SMPDL3A: variants seen among roughly 807,000 people sequenced by gnomAD.
SMPDL3A encodes sphingomyelin phosphodiesterase acid like 3A.
SMPDL3A carries 39 observed loss-of-function variants against 38.5 expected under a neutral mutation model. The ratio of observed to expected loss-of-function variants is 1.01; its 90% CI spans 0.78 to 1.32. The LOEUF (loss-of-function observed/expected upper bound fraction) is 1.32, where lower values mean the gene tolerates loss of function less well. Ranked by LOEUF, SMPDL3A falls within the 40% of genes most tolerant of loss-of-function variation. The probability of loss-of-function intolerance (pLI) is 0.00; values close to 1 mark genes in which losing one functional copy is unlikely to be tolerated. For synonymous variants in SMPDL3A, 180 were observed against 194.3 expected (o/e 0.93, Z 0.61); for missense variants, 502 against 536.2 (o/e 0.94, Z 0.63).
intron 7 of SMPDL3A, among the ~76,000 whole-genome samples, chr6:122,808,640 TTC>T (rs1781737662): frequency 2.6e-5 from 1 of 38,104 alleles, no homozygotes; most frequent in Non-Finnish European, 5.1e-5. Context: ...CCTTCCTTCC[TTC>T]CCCCCCTCCT....
Position 122,795,882 on chromosome 6 carries a change from A to G in SMPDL3A, c.318A>G (p.Ile106Met). Residue 106 changes from isoleucine (I) to methionine (M), a missense_variant, in exon 2 of 8, where the codon ATA (isoleucine) becomes ATG (methionine). Physicochemically the swap from Ile to Met is conservative, Grantham distance 10 (BLOSUM62 1). Coordinates refer to ENST00000368440, the MANE Select transcript of SMPDL3A (RefSeq NM_006714.5). ...CTGGACAAGAAGCATCTTTCATGAT[A>G]TGGACAGGGTAAGTGATTATACAAG... is the stretch of plus-strand genomic sequence containing the variant. Reference protein sequence around the residue: ...KNSGQEASFMIWTGDSPPHVP... With the variant: ...KNSGQEASFMMWTGDSPPHVP... 1 of 1,605,898 alleles carries G rather than the reference A, an allele frequency of 6.2e-7. No individual in the cohort carries two copies. The highest frequency in any genetic ancestry group is 8.5e-7 in the Non-Finnish European group (1 of 1,172,654).
chr6:122,794,157 G>A (rs73768833), intron 1 of SMPDL3A, among the ~76,000 whole-genome samples: 4,186 of 152,184 alleles, frequency 0.028, 205 homozygotes, highest in African/African-American at 0.096. Context: ...CTAAAATGAG[G>A]ACCATAATTC....
chr6:122,795,608 A>G (rs1398293199), intron 1 of SMPDL3A, 69 bp from the exon 2 acceptor site: 1 of 1,188,534 alleles, frequency 8.4e-7, no homozygotes, highest in Non-Finnish European at 1.2e-6. Flanking sequence ...TAGTCTTAAT[A>G]TAAATATTTT....
At chr6:122,801,835 A>G (rs1021066840) in intron 4 of SMPDL3A, among the ~76,000 whole-genome samples, 1 of 152,244 alleles carries the variant, frequency 6.6e-6, no homozygotes, top group Non-Finnish European at 1.5e-5. Context: ...TGCTTGGGAA[A>G]GTAATGCATA....
At chr6:122,789,683 G>T in intron 1 of SMPDL3A, 1 of 380,966 alleles carries the variant, frequency 2.6e-6, no homozygotes, top group Non-Finnish European at 3.6e-6. Context: ...CTGGGCGGGG[G>T]AAATGCCCTC....
chr6:122,789,864 G>T, intron 1 of SMPDL3A: 1 of 985,342 alleles, frequency 1.0e-6, no homozygotes, highest in Non-Finnish European at 1.2e-6. Context: ...GCCCCTAATC[G>T]GTCCTGAATG....
intron 1 of SMPDL3A, among the ~76,000 whole-genome samples, chr6:122,795,370 T>TG (rs1781209928): frequency 6.6e-6 from 1 of 152,162 alleles, no homozygotes; most frequent in South Asian, 2.1e-4. Flanking sequence ...CTCGAACTCC[T>TG]GACCTCAAGG....
intron 1 of SMPDL3A, chr6:122,789,974 C>A: frequency 1.5e-6 from 1 of 688,732 alleles, no homozygotes; most frequent in Non-Finnish European, 1.8e-6. Flanking sequence ...GCTTTTTCTG[C>A]CACTCACCCA....
intron 4 of SMPDL3A, among the ~76,000 whole-genome samples, chr6:122,802,300 C>T (rs748642438): frequency 6.6e-6 from 1 of 150,916 alleles, no homozygotes; most frequent in Non-Finnish European, 1.5e-5. Flanking sequence ...CTCCTGGTTT[C>T]AAGCGATTCT....
At chr6:122,804,624 C>T (rs1292120041) in intron 5 of SMPDL3A, among the ~76,000 whole-genome samples, 1 of 152,042 alleles carries the variant, frequency 6.6e-6, no homozygotes, top group Non-Finnish European at 1.5e-5. Context: ...TTTTGTTTTG[C>T]TTTTACTGCT....
intron 3 of SMPDL3A, among the ~76,000 whole-genome samples, chr6:122,798,689 C>CA (rs1781330726): frequency 6.6e-6 from 1 of 152,278 alleles, no homozygotes; most frequent in Admixed American, 6.5e-5. Flanking sequence ...TAAGTGGTGA[C>CA]AGGGGATACA....
intron 1 of SMPDL3A, among the ~76,000 whole-genome samples, chr6:122,791,657 T>C (rs1347522797): frequency 1.3e-5 from 2 of 152,184 alleles, no homozygotes; most frequent in Non-Finnish European, 2.9e-5. Flanking sequence ...CACACACACA[T>C]ATTTTTGGAA....
At chr6:122,793,459 C>T (rs567670116) in intron 1 of SMPDL3A, among the ~76,000 whole-genome samples, 3 of 152,214 alleles carry the variant, frequency 2.0e-5, no homozygotes, top group Admixed American at 6.5e-5. Context: ...CTTACATTCT[C>T]GAAATAATAC....
At chr6:122,795,402 C>T (rs1781211524) in intron 1 of SMPDL3A, among the ~76,000 whole-genome samples, 1 of 152,066 alleles carries the variant, frequency 6.6e-6, no homozygotes, top group South Asian at 2.1e-4. Context: ...TTCAGCCTCC[C>T]AAATTGCTGA....
rs1424518299 is a variant in SMPDL3A at position 122,796,962 on chromosome 6, G to T, written c.465G>T (p.Trp155Cys). ...CTGCGCTGGGTAATCATGACTATTG[G>T]CCACAGGTAAATTTGATAGACTTTC... ...VFPALGNHDY[W>C]PQDQLPVVTS... is the part of the protein sequence containing the mutation. Residue 155 changes from tryptophan to cysteine, a missense_variant, in exon 3 of 8, where the codon TGG becomes TGT. Physicochemically the swap from Trp to Cys is radical, Grantham distance 215. Coordinates refer to ENST00000368440, the MANE Select transcript of SMPDL3A (RefSeq NM_006714.5). The T allele has an allele frequency of 1.2e-6, 2 of 1,609,984 alleles. No homozygotes were observed. Among genetic ancestry groups the T allele is most frequent in the Admixed American group, 3.4e-5 (2 of 59,144 alleles).
At chr6:122,800,891 T>G (rs1222118566) in intron 3 of SMPDL3A, among the ~76,000 whole-genome samples, 2 of 152,092 alleles carry the variant, frequency 1.3e-5, no homozygotes, top group African/African-American at 4.8e-5. Context: ...GCTATGATTA[T>G]GGGTGCTCAC....
intron 7 of SMPDL3A, among the ~76,000 whole-genome samples, chr6:122,806,755 G>A (rs1781636417): frequency 6.6e-6 from 1 of 152,044 alleles, no homozygotes; most frequent in Admixed American, 6.6e-5. Context: ...AAACTTTTCT[G>A]TGTCCCAGTC....
rs1374726404 is a variant in SMPDL3A at position 122,809,708 on chromosome 6, C to A, written c.*300C>A. On this transcript the variant is annotated 3_prime_UTR_variant, in exon 8 of 8. Transcript: ENST00000368440. ...TGTCATTTATACAATAAAGCGAATT[C>A]TTTATCTCTAAATATGATGAAGTTT... The A allele has an allele frequency of 9.4e-6, 2 of 213,338 alleles. No homozygotes were observed. The highest frequency in any genetic ancestry group is 1.9e-5 in the Non-Finnish European group (2 of 107,484). The allele number at this position is 213,338 out of a possible 1,614,324, so 13.2% of individuals were successfully genotyped here. A position where few individuals can be genotyped will look rare whatever the true frequency, so the allele number is the denominator to read the frequency against.
At chr6:122,790,638 A>T (rs975563324) in intron 1 of SMPDL3A, among the ~76,000 whole-genome samples, 11 of 152,268 alleles carry the variant, frequency 7.2e-5, no homozygotes, top group African/African-American at 2.6e-4. Flanking sequence ...AAAAACTGTA[A>T]ATCTGGTTTC....
Sources: allele counts gnomAD v4.1 joint callset (sites outside exome capture counted in the v4.1 genomes callset), GRCh38; gene constraint gnomAD v4.1.1; transcripts MANE v1.5; gene names NCBI Gene and HGNC (gene_info 2026-07-23, HGNC 2026-07-21).